The following FRMD4B variants were observed in gnomAD, a reference collection of about 807,000 sequenced individuals.
FRMD4B encodes FERM domain-containing protein 4B.
A neutral mutation model predicts 141.5 loss-of-function variants in FRMD4B; 74 were observed. That is an observed-to-expected ratio of 0.52 (90% CI 0.43 to 0.63). The LOEUF is 0.63. FRMD4B is among the 30% of genes least tolerant of loss of function. The probability of loss-of-function intolerance (pLI) is 0.00; values close to 1 mark genes in which losing one functional copy is unlikely to be tolerated. For missense variants in FRMD4B, 1,366 were observed against 1,253.4 expected (o/e 1.09, Z -1.36); for synonymous variants, 506 against 467.9 (o/e 1.08, Z -1.05).
At chr3:69,367,578 CATT>C (rs1703704618) in intron 1 of FRMD4B, among the ~76,000 whole-genome samples, 1 of 146,234 alleles carries the variant, frequency 6.8e-6, no homozygotes, top group African/African-American at 2.6e-5. Flanking sequence ...AAAAATATAT[CATT>C]GACAATTATC....
chr3:69,316,606 T>C (rs1403594508), intron 1 of FRMD4B, among the ~76,000 whole-genome samples: 2 of 151,878 alleles, frequency 1.3e-5, no homozygotes, highest in Non-Finnish European at 2.9e-5. Context: ...GAGGAGGATA[T>C]AATTAAGAGA....
chr3:69,181,027 C>T lies in FRMD4B; in HGVS notation c.2723G>A (p.Gly908Glu). ...HLRGWYQRASGQKDQGHSPQT... is the reference protein window; with the variant it reads ...HLRGWYQRASEQKDQGHSPQT... ...CGGGCTGTGTCCCTGATCCTTCTGC[C>T]CAGAGGCCCGCTGGTACCAGCCACG... Residue 908 changes from glycine (G) to glutamate (E), a missense_variant, in exon 21 of 23, where the codon GGG becomes GAG. Transcript: ENST00000398540. 1 of 1,613,996 alleles carries T rather than the reference C, an allele frequency of 6.2e-7. No homozygotes were observed. The highest frequency in any genetic ancestry group is 8.5e-7 in the Non-Finnish European group (1 of 1,179,894).
At chr3:69,383,002 T>TA (rs963192431) in intron 1 of FRMD4B, among the ~76,000 whole-genome samples, 5 of 152,044 alleles carry the variant, frequency 3.3e-5, no homozygotes, top group African/African-American at 1.2e-4. Context: ...TCTATTATAA[T>TA]AAAAAAAATC....
intron 11 of FRMD4B, among the ~76,000 whole-genome samples, chr3:69,215,284 C>CTGTTTTTTTTTTTT (rs2093128901): frequency 2.2e-5 from 1 of 45,208 alleles, no homozygotes; most frequent in African/African-American, 7.2e-5. Flanking sequence ...TTGTGACCCT[C>CTGTTTTTTTTTTTT]TTTTTTTTTT....
chr3:69,336,456 G>A (rs1272380925), intron 1 of FRMD4B: 1 of 152,270 alleles, frequency 6.6e-6, no homozygotes, highest in East Asian at 1.9e-4. Context: ...AGGCTTTTAG[G>A]CATGGAGAAG....
At chr3:69,216,408 T>A (rs2093141578) in intron 10 of FRMD4B, 59 bp from the exon 11 acceptor site, 1 of 722,712 alleles carries the variant, frequency 1.4e-6, no homozygotes, top group Non-Finnish European at 2.3e-6. Context: ...TAGAAGTGAA[T>A]AAAATTTACC....
chr3:69,308,028 T>C (rs534158621), intron 3 of FRMD4B, among the ~76,000 whole-genome samples: 21 of 152,242 alleles, frequency 1.4e-4, no homozygotes, highest in African/African-American at 5.1e-4. Flanking sequence ...TCCCCTCCCA[T>C]CTATTTAAAG....
intron 1 of FRMD4B, among the ~76,000 whole-genome samples, chr3:69,541,764 G>C (rs1474482188): frequency 2.6e-5 from 4 of 151,424 alleles, no homozygotes; most frequent in Non-Finnish European, 4.4e-5. Context: ...GAAACCCTTA[G>C]TGTCCTCTGC....
chr3:69,412,840 C>CTTTTTTTT (rs869150440), intron 2 of FRMD4B, among the ~76,000 whole-genome samples: 1 of 54,242 alleles, frequency 1.8e-5, no homozygotes, highest in African/African-American at 8.1e-5. Context: ...AGAAGCTCCA[C>CTTTTTTTT]TTTTTTTTTT....
chr3:69,506,133 C>T (rs1393878789), intron 1 of FRMD4B, among the ~76,000 whole-genome samples: 1 of 152,160 alleles, frequency 6.6e-6, no homozygotes, highest in Middle Eastern at 3.2e-3. Flanking sequence ...TAAAAATACT[C>T]CATTCTTTGT....
At chr3:69,400,386 G>A (rs1409842564) in intron 2 of FRMD4B, among the ~76,000 whole-genome samples, 4 of 149,740 alleles carry the variant, frequency 2.7e-5, no homozygotes, top group Non-Finnish European at 3.0e-5. Context: ...TGTCTCTCAA[G>A]AAAAAAAAAA....
chr3:69,445,371 G>GT (rs1212286385), intron 1 of FRMD4B, among the ~76,000 whole-genome samples: 5 of 152,210 alleles, frequency 3.3e-5, no homozygotes, highest in Admixed American at 6.5e-5. Context: ...CAGACAAAGA[G>GT]TGCAGACACC....
chr3:69,409,824 CA>C (rs1466862576), intron 2 of FRMD4B, among the ~76,000 whole-genome samples: 1 of 152,176 alleles, frequency 6.6e-6, no homozygotes, highest in Non-Finnish European at 1.5e-5. Context: ...AATCTGACAA[CA>C]AAGCCCACAT....
chr3:69,457,261 T>A (rs1184600514), intron 1 of FRMD4B, among the ~76,000 whole-genome samples: 1 of 152,208 alleles, frequency 6.6e-6, no homozygotes, highest in African/African-American at 2.4e-5. Context: ...TTTTGTAATG[T>A]CTGGATACAG....
At chr3:69,172,271 G>A (rs1456910423) in intron 22 of FRMD4B, among the ~76,000 whole-genome samples, 2 of 152,178 alleles carry the variant, frequency 1.3e-5, no homozygotes, top group African/African-American at 2.4e-5. Flanking sequence ...ATGTTAACTT[G>A]TAGATTTTTG....
intron 7 of FRMD4B, among the ~76,000 whole-genome samples, chr3:69,225,649 C>T (rs1575629765): frequency 8.6e-6 from 1 of 116,402 alleles, no homozygotes; most frequent in Non-Finnish European, 1.6e-5. Context: ...GAGCCGAGAT[C>T]ACGCCACTGC....
intron 5 of FRMD4B, among the ~76,000 whole-genome samples, chr3:69,263,210 T>C (rs548708249): frequency 6.6e-6 from 1 of 152,140 alleles, no homozygotes; most frequent in East Asian, 1.9e-4. Flanking sequence ...TGAGCCGAGT[T>C]TGTGCCACTG....
chr3:69,455,556 C>T (rs763960940), intron 1 of FRMD4B, among the ~76,000 whole-genome samples: 6 of 152,116 alleles, frequency 3.9e-5, no homozygotes, highest in Non-Finnish European at 2.9e-5. Context: ...GAAGAAACTA[C>T]GAACACGTCC....
chr3:69,222,441 T>C (rs1473997540), intron 8 of FRMD4B, among the ~76,000 whole-genome samples: 1 of 123,368 alleles, frequency 8.1e-6, no homozygotes, highest in African/African-American at 3.1e-5. Context: ...CACTCCATTC[T>C]AGGTGACAAG....
Sources: allele counts gnomAD v4.1 joint callset (sites outside exome capture counted in the v4.1 genomes callset), GRCh38; gene constraint gnomAD v4.1.1; transcripts MANE v1.5; gene names NCBI Gene and HGNC (gene_info 2026-07-23, HGNC 2026-07-21).